TFAP2C: variants seen among roughly 807,000 people sequenced by gnomAD.
The protein encoded by TFAP2C is activating enhancer-binding protein 2 gamma.
TFAP2C carries 9 observed loss-of-function variants against 42.9 expected under a neutral mutation model. The ratio of observed to expected loss-of-function variants is 0.21; its 90% CI spans 0.13 to 0.37. The LOEUF (loss-of-function observed/expected upper bound fraction) is 0.37. TFAP2C is among the 10% of genes least tolerant of loss of function. TFAP2C has a pLI of 1.00. For missense variants in TFAP2C, 462 were observed against 591.7 expected, an observed-to-expected ratio of 0.78 and a Z score of 2.27; for synonymous variants, 264 against 256.0, an observed-to-expected ratio of 1.03 and a Z score of -0.30.
chr20:56,637,645 C>A lies in TFAP2C; in HGVS notation c.1068-83C>A. 2.1e-6 allele frequency: 3 copies of A among 1,435,674 alleles called. No individual in the cohort carries two copies. In the South Asian group the frequency reaches 3.8e-5, roughly 18 times the overall value. 88.9% of individuals were successfully genotyped at this position (1,435,674 alleles called of 1,614,324 possible). On this transcript the variant is annotated intron_variant, in intron 6 of 6. Coordinates refer to ENST00000201031, the MANE Select transcript of TFAP2C (RefSeq NM_003222.4). ...AGCAGTTGTGCTTGCCTCCCGGGCG[C>A]CAGCCTCAGTGTAGTTGGTTCTGTG...
In TFAP2C at chr20:56,631,416, T is replaced by G; in HGVS notation, c.260T>G (p.Ile87Ser). The G allele has an allele frequency of 1.9e-6, 3 of 1,602,062 alleles. No individual in the cohort carries two copies. Among genetic ancestry groups the G allele is most frequent in the Non-Finnish European group, 2.6e-6 (3 of 1,175,472 alleles). The part of the protein sequence containing the change: ...SHLGEAYAAA[I>S]NPLHQPAPTG... ...CTGGGGGAAGCGTACGCCGCCGCCA[T>G]CAACCCCCTGCACCAGCCGGCGCCC... is the stretch of plus-strand genomic sequence containing the variant. Residue 87 changes from isoleucine (I) to serine (S), a missense_variant, in exon 2 of 7, where the codon ATC becomes AGC. Around this residue, in one of 5 missense-constraint regions of TFAP2C, gnomAD observed 271 missense variants for 269.7 expected, o/e 1.00. Coordinates refer to ENST00000201031, the MANE Select transcript of TFAP2C (RefSeq NM_003222.4). This position sits in a 1 kb window ranked among gnomAD's most constrained non-coding sequence, Gnocchi z 6.1.
chr20:56,637,954 G>T lies in TFAP2C; in HGVS notation c.1294G>T (p.Asp432Tyr). Residue 432 changes from aspartate (D) to tyrosine (Y), a missense_variant, in exon 7 of 7, where the codon GAC (aspartate) becomes TAC (tyrosine). By Grantham distance (160) the Asp-to-Tyr change is radical. Transcript: ENST00000201031. ...AGACAAATCCTACATGAACCCTGGA[G>T]ACCAGAGTCCAGCTGATTCTAACAA... ...VIDKSYMNPG[D>Y]QSPADSNKTL... 6.2e-7 allele frequency: 1 copy of T among 1,614,086 alleles called. No individual in the cohort carries two copies. Among genetic ancestry groups the T allele is most frequent in the Non-Finnish European group, 8.5e-7 (1 of 1,179,942 alleles).
chr20:56,634,363 C>A, intron 5 of TFAP2C, 95 bp downstream of exon 5: 1 of 889,298 alleles, frequency 1.1e-6, no homozygotes, highest in Non-Finnish European at 1.8e-6. Flanking sequence ...ACTCTTAAAA[C>A]TTGGTTGCAA....
At position 56,629,858 on chromosome 20, in the gene TFAP2C, G is replaced by A. The variant is rs1229232966; in HGVS notation, c.48+266G>A. ...CAGCTTACCGGGCGCTTTCCTAAGCGGCAAACAGCCCTGCTTCCCGTTTTC... is the reference window on the plus strand; with the variant it reads ...CAGCTTACCGGGCGCTTTCCTAAGCAGCAAACAGCCCTGCTTCCCGTTTTC... On this transcript the variant is annotated intron_variant, in intron 1 of 6. Transcript: ENST00000201031. This position sits in a 1 kb window ranked among gnomAD's most constrained non-coding sequence, Gnocchi z 5.9. 2.6e-5 allele frequency among the ~76,000 whole-genome samples: 4 copies of A among 152,156 alleles called. No homozygotes were observed. Among genetic ancestry groups the A allele is most frequent in the African/African-American group, 9.7e-5 (4 of 41,434 alleles).
At chr20:56,632,988 C>A (rs535492916) in intron 3 of TFAP2C, among the ~76,000 whole-genome samples, 2 of 152,208 alleles carry the variant, frequency 1.3e-5, no homozygotes, top group South Asian at 4.1e-4. Context: ...CTTTGGGAGG[C>A]CAAGGTGGGC....
In TFAP2C at chr20:56,629,891, A is replaced by C. The variant is rs958200344; in HGVS notation, c.48+299A>C. 2.0e-5 allele frequency among the ~76,000 whole-genome samples: 3 copies of C among 152,112 alleles called. No homozygotes were observed. The highest frequency in any genetic ancestry group is 6.5e-5 in the Admixed American group (1 of 15,282). On this transcript the variant is annotated intron_variant, in intron 1 of 6. Transcript: ENST00000201031. The surrounding 1 kb of genome is among the most constrained non-coding windows in gnomAD (Gnocchi z 5.9). ...GCCCTGCTTCCCGTTTTCTCGGAAA[A>C]GTGCCCCGTCTGCAACCCTCAGACG...
At position 56,629,675 on chromosome 20, in the gene TFAP2C, AG is replaced by A. The variant is rs1490860894; in HGVS notation, c.48+86del. 1.5e-5 allele frequency: 17 copies of A among 1,099,944 alleles called. No homozygotes were observed. Among genetic ancestry groups the A allele is most frequent in the Non-Finnish European group, 2.0e-5 (17 of 833,388 alleles). The allele number at this position is 1,099,944 out of a possible 1,614,324, so 68.1% of individuals were successfully genotyped here. ...GGCCACTGGACCGAGGTCGGGGACG[AG>A]GGCATAGGAGCCCTGGCCTCTCGGT... On this transcript the variant is annotated intron_variant, in intron 1 of 6. Transcript: ENST00000201031. The surrounding 1 kb of genome is among the most constrained non-coding windows in gnomAD (Gnocchi z 5.9).
chr20:56,630,473 C>T lies in TFAP2C; in HGVS notation c.49-732C>T. On this transcript the variant is annotated intron_variant, in intron 1 of 6. Transcript: ENST00000201031. This position sits in a 1 kb window ranked among gnomAD's most constrained non-coding sequence, Gnocchi z 5.1. ...GGGAACGTGCGCGGGCAAGGCTGCC[C>T]AATTTCCAGGGTTCTTCATGCCCCC... 1 of 373,448 alleles carries T rather than the reference C, an allele frequency of 2.7e-6. No homozygotes were observed. The allele number at this position is 373,448 out of a possible 1,614,324, so 23.1% of individuals were successfully genotyped here.
rs759304012 is a variant in TFAP2C at position 56,631,425 on chromosome 20, T to C, written c.269T>C (p.Leu90Pro). The change falls in exon 2 of 7, where the codon CTG becomes CCG. Residue 90 changes from leucine to proline, a missense_variant. Physicochemically the swap from Leu to Pro is moderately conservative, Grantham distance 98. Around this residue, in one of 5 missense-constraint regions of TFAP2C, gnomAD observed 271 missense variants for 269.7 expected, o/e 1.00. Coordinates refer to ENST00000201031, the MANE Select transcript of TFAP2C (RefSeq NM_003222.4). This position sits in a 1 kb window ranked among gnomAD's most constrained non-coding sequence, Gnocchi z 6.1. ...GCGTACGCCGCCGCCATCAACCCCC[T>C]GCACCAGCCGGCGCCCACAGGCAGC... ...GEAYAAAINP[L>P]HQPAPTGSQQ... is the part of the protein sequence containing the mutation. 7 of 1,593,830 alleles carry C rather than the reference T, an allele frequency of 4.4e-6. No individual in the cohort carries two copies. In the East Asian group the frequency reaches 1.6e-4, roughly 37 times the overall value.
rs1044689747 is a variant in TFAP2C, at chr20:56,630,002, G to T, written c.48+410G>T. On this transcript the variant is annotated intron_variant, in intron 1 of 6. Coordinates refer to ENST00000201031, the MANE Select transcript of TFAP2C (RefSeq NM_003222.4). The surrounding 1 kb of genome is among the most constrained non-coding windows in gnomAD (Gnocchi z 5.1). ...CCTTGGCGGACACTCCTCCAAGGCC[G>T]GCTTGTCACCTGCCCCGCTACCTCC... Among the ~76,000 whole-genome samples, 1 of 151,790 alleles carries T rather than the reference G, an allele frequency of 6.6e-6. No homozygotes were observed. The highest frequency in any genetic ancestry group is 2.4e-5 in the African/African-American group (1 of 41,430).
chr20:56,629,449 C>A lies in TFAP2C; in HGVS notation c.-96C>A. ...CGCGCGCGGCGGGGGCGGCGGCAGA[C>A]GCCTGGTCACCGTGACCCCGATTTT... On this transcript the variant is annotated 5_prime_UTR_variant, in exon 1 of 7. Transcript: ENST00000201031. The surrounding 1 kb of genome is among the most constrained non-coding windows in gnomAD (Gnocchi z 5.9). 8.7e-7 allele frequency: 1 copy of A among 1,154,510 alleles called. No homozygotes were observed. Among genetic ancestry groups the A allele is most frequent in the South Asian group, 2.7e-5 (1 of 36,528 alleles). The allele number at this position is 1,154,510 out of a possible 1,614,324, so 71.5% of individuals were successfully genotyped here.
Position 56,636,671 on chromosome 20 carries a change from A to AC in TFAP2C, c.986dup (p.Val330SerfsTer15). 1 of 1,614,164 alleles carries AC rather than the reference A, an allele frequency of 6.2e-7. No individual in the cohort carries two copies. Among genetic ancestry groups the AC allele is most frequent in the Non-Finnish European group, 8.5e-7 (1 of 1,180,034 alleles). The stretch of plus-strand genomic sequence containing the variant: ...TCTGTGAAGCCGAATTTCCTAGTAA[A>AC]CCAGTGGCAGAATATTTAACCAGAC... On this transcript the variant is annotated frameshift_variant, in exon 6 of 7. Transcript: ENST00000201031. LOFTEE classifies it high-confidence loss of function.
intron 6 of TFAP2C, among the ~76,000 whole-genome samples, chr20:56,637,209 A>G (rs1278765655): frequency 6.6e-6 from 1 of 152,238 alleles, no homozygotes; most frequent in Non-Finnish European, 1.5e-5. Context: ...GGGTTTTCTC[A>G]TAGAAACCAA....
In TFAP2C at chr20:56,630,991, C is replaced by T; in HGVS notation, c.49-214C>T. The stretch of plus-strand genomic sequence containing the variant: ...GCTTTGAGAACTCGTTCCCCCAGGT[C>T]TTTCACCAGACTCTCCTCCCTCCCC... On this transcript the variant is annotated intron_variant, in intron 1 of 6. Transcript: ENST00000201031. This position sits in a 1 kb window ranked among gnomAD's most constrained non-coding sequence, Gnocchi z 5.1. The T allele has an allele frequency of 1.0e-6, 1 of 985,426 alleles. No individual in the cohort carries two copies. The highest frequency in any genetic ancestry group is 4.7e-5 in the South Asian group (1 of 21,286). The allele number at this position is 985,426 out of a possible 1,614,324, so 61.0% of individuals were successfully genotyped here. A position where few individuals can be genotyped will look rare whatever the true frequency, so the allele number is the denominator to read the frequency against.
chr20:56,636,442 C>G (rs187314201), intron 5 of TFAP2C, among the ~76,000 whole-genome samples, 168 bp from the exon 6 acceptor site: 1 of 151,208 alleles, frequency 6.6e-6, no homozygotes, highest in African/African-American at 2.4e-5. Flanking sequence ...ACGAGAATTG[C>G]TTGAATTCCG....
Position 56,634,198 on chromosome 20 carries a change from G to A in TFAP2C, c.852G>A (p.Lys284=). ...GGRSLREKLD[K]IGLNLPAGRR... ...GGTCCTTGCGGGAGAAGTTGGACAA[G>A]ATTGGGTTGAATCTTCCGGCCGGGA... The change falls in exon 5 of 7, where the codon AAG becomes AAA. Residue 284 remains lysine, a synonymous_variant. Coordinates refer to ENST00000201031, the MANE Select transcript of TFAP2C (RefSeq NM_003222.4). The A allele has an allele frequency of 6.2e-7, 1 of 1,614,214 alleles. No individual in the cohort carries two copies. Among genetic ancestry groups the A allele is most frequent in the South Asian group, 1.1e-5 (1 of 91,086 alleles).
intron 6 of TFAP2C, among the ~76,000 whole-genome samples, chr20:56,637,280 G>T (rs1281295331): frequency 6.6e-6 from 1 of 152,214 alleles, no homozygotes; most frequent in Non-Finnish European, 1.5e-5. Flanking sequence ...AGGAAATGGG[G>T]TAAAAGAGAG....
intron 6 of TFAP2C, among the ~76,000 whole-genome samples, chr20:56,637,403 T>C (rs1987604663): frequency 6.6e-6 from 1 of 152,240 alleles, no homozygotes; most frequent in African/African-American, 2.4e-5. Context: ...AAACTGTCCC[T>C]TAAGCTCATG....
At position 56,638,089 on chromosome 20, in the gene TFAP2C, G is replaced by GAC; in HGVS notation, c.*77_*78insCA. 7.3e-7 allele frequency: 1 copy of GAC among 1,377,450 alleles called. No homozygotes were observed. Among genetic ancestry groups the GAC allele is most frequent in the East Asian group, 2.5e-5 (1 of 40,164 alleles). 85.3% of individuals were successfully genotyped at this position (1,377,450 alleles called of 1,614,324 possible). A position where few individuals can be genotyped will look rare whatever the true frequency, so the allele number is the denominator to read the frequency against. On this transcript the variant is annotated 3_prime_UTR_variant, in exon 7 of 7. Coordinates refer to ENST00000201031, the MANE Select transcript of TFAP2C (RefSeq NM_003222.4). ...AATCCTTCTCCACCGCACAGACTGG[G>GAC]AACCCCTCCTGGCCTGGGGGAAGAG...
Sources: gnomAD v4.1 joint callset for allele counts (sites outside exome capture counted in the v4.1 genomes callset) on GRCh38, gnomAD v4.1.1 for gene constraint, gnomAD v4.1.1 regional missense constraint, Gnocchi (gnomAD v3.1) non-coding constraint, MANE v1.5 for transcripts, NCBI Gene and HGNC (gene_info 2026-07-23, HGNC 2026-07-21) for gene names.